The following PGBD2 variants were observed in gnomAD, a reference collection of about 807,000 sequenced individuals.
The protein encoded by PGBD2 is piggyBac transposable element derived 2, also known as piggyBac transposable element-derived protein 2.
Under a neutral mutation model 8.1 loss-of-function variants are expected in PGBD2, and 6 were observed. That is an observed-to-expected ratio of 0.74 (90% CI 0.40 to 1.46). PGBD2 has a LOEUF of 1.46. Among genes scored for constraint, PGBD2 ranks in the 40% most tolerant of loss-of-function variants. The pLI, the probability that PGBD2 is intolerant of heterozygous loss-of-function variation, is 0.02. For synonymous variants in PGBD2, 318 were observed against 272.2 expected, an observed-to-expected ratio of 1.17 and a Z score of -1.66; for missense variants, 802 against 739.0, an observed-to-expected ratio of 1.09 and a Z score of -0.99.
At chr1:248,882,557 T>C in the PGBD2 span, among the ~76,000 whole-genome samples, 1 of 152,140 alleles carries the variant, frequency 6.6e-6, no homozygotes, top group South Asian at 2.1e-4. Flanking sequence ...GAAGGGAGTA[T>C]GCCTTAACCC....
chr1:248,914,995 T>C (rs1344343475), intron 2 of PGBD2, among the ~76,000 whole-genome samples: 3 of 152,252 alleles, frequency 2.0e-5, no homozygotes, highest in African/African-American at 7.2e-5. Flanking sequence ...TCCAGCTGTC[T>C]GTAGGGCTCT....
the PGBD2 span, among the ~76,000 whole-genome samples, chr1:248,874,284 A>T: frequency 6.6e-5 from 10 of 152,218 alleles, no homozygotes; most frequent in South Asian, 2.1e-4. Context: ...CGGCGCTCTC[A>T]CCGCCGCGGC....
chr1:248,874,238 C>A, the PGBD2 span, among the ~76,000 whole-genome samples: 75 of 152,320 alleles, frequency 4.9e-4, no homozygotes, highest in African/African-American at 1.7e-3. Flanking sequence ...CTAAATGACG[C>A]ATCATGTCTT....
At chr1:248,903,771 C>T (rs1480518678), upstream of PGBD2, among the ~76,000 whole-genome samples, 1 of 152,156 alleles carries the variant, frequency 6.6e-6, no homozygotes, top group Non-Finnish European at 1.5e-5. Flanking sequence ...AGTATTTTCT[C>T]ATAATTCCAT....
downstream of PGBD2, among the ~76,000 whole-genome samples, chr1:248,922,465 T>C (rs1283137219): frequency 2.0e-5 from 3 of 152,212 alleles, no homozygotes; most frequent in East Asian, 3.8e-4. Context: ...TCTTGCCTCA[T>C]TGCCCTGGCC....
the PGBD2 span, among the ~76,000 whole-genome samples, chr1:248,874,191 G>C: frequency 1.3e-5 from 2 of 152,148 alleles, no homozygotes; most frequent in East Asian, 3.8e-4. Flanking sequence ...TTCTATAGGA[G>C]ATACGTCACA....
At chr1:248,874,222 A>G in the PGBD2 span, among the ~76,000 whole-genome samples, 33 of 152,180 alleles carry the variant, frequency 2.2e-4, no homozygotes, top group African/African-American at 7.0e-4. Context: ...TTAGTATAGC[A>G]TATTGCTAAA....
rs771194859 is a variant in PGBD2 at position 248,917,718 on chromosome 1, G to T, written c.1134G>T (p.Arg378Ser). 3.1e-6 allele frequency: 5 copies of T among 1,614,208 alleles called. No individual in the cohort carries two copies. Among genetic ancestry groups the T allele is most frequent in the Non-Finnish European group, 4.2e-6 (5 of 1,180,030 alleles). ...VKATGTVREY[R>S]TERCPLKDPK... ...CCACAGGAACTGTTCGTGAGTACAG[G>T]ACTGAGCGATGTCCCCTAAAAGACC... is the stretch of plus-strand genomic sequence containing the variant. Residue 378 changes from arginine to serine, a missense_variant, in exon 3 of 3, where the codon AGG (arginine) becomes AGT (serine). Arg to Ser is a moderately radical substitution (Grantham distance 110). Transcript: ENST00000329291.
the PGBD2 span, among the ~76,000 whole-genome samples, chr1:248,876,440 T>C: frequency 0.039 from 5,884 of 152,312 alleles, 379 homozygotes; most frequent in African/African-American, 0.13. Flanking sequence ...CCACTGTGGT[T>C]TCCAGTGTTG....
the PGBD2 span, among the ~76,000 whole-genome samples, chr1:248,887,344 T>C: frequency 2.6e-5 from 4 of 152,202 alleles, no homozygotes; most frequent in Admixed American, 2.6e-4. Flanking sequence ...CCTCAGTCTT[T>C]CCTTGTCTTT....
chr1:248,876,672 A>G, the PGBD2 span, among the ~76,000 whole-genome samples: 2 of 152,142 alleles, frequency 1.3e-5, no homozygotes, highest in South Asian at 2.1e-4. Flanking sequence ...AACTAATTTG[A>G]CATACCTGGG....
At chr1:248,912,289 G>A (rs953191539) in intron 1 of PGBD2, among the ~76,000 whole-genome samples, 5 of 152,122 alleles carry the variant, frequency 3.3e-5, no homozygotes, top group South Asian at 2.1e-4. Context: ...GGGTCAGGGC[G>A]ACTGGTTTTC....
At chr1:248,889,713 A>G in the PGBD2 span, among the ~76,000 whole-genome samples, 1 of 152,192 alleles carries the variant, frequency 6.6e-6, no homozygotes, top group African/African-American at 2.4e-5. Flanking sequence ...CTGGAGCCCC[A>G]GTAAAACAGT....
At position 248,911,131 on chromosome 1, in the gene PGBD2, GTATT is replaced by G. The variant is rs533956308; in HGVS notation, c.-47-2680_-47-2677del. ...TTTCTTTTCTTTTCTTTTTTTTTTA[GTATT>G]TATTGATCATTCTTGGGTGTTTCTC... On this transcript the variant is annotated intron_variant, in intron 1 of 2. Transcript: ENST00000329291. Among the ~76,000 whole-genome samples the G allele has an allele frequency of 2.2e-3, 334 of 150,346 alleles. 3 individuals are homozygous for G. Among genetic ancestry groups the G allele is most frequent in the Non-Finnish European group, 4.3e-3 (288 of 67,716 alleles).
chr1:248,917,409 C>A lies in PGBD2; in HGVS notation c.825C>A (p.Tyr275Ter). ...FYSFGESMCEYFGHRGSKQLH... is the reference protein window; with the variant it reads ...FYSFGESMCE The stretch of plus-strand genomic sequence containing the variant: ...GCTTTGGCGAGTCTATGTGTGAGTA[C>A]TTTGGGCACCGGGGGTCCAAGCAGC... Residue 275 changes from tyrosine (Y) to a stop codon, truncating the protein, a stop_gained, in exon 3 of 3, where the codon TAC becomes TAA. Transcript: ENST00000329291. LOFTEE classifies it low-confidence loss of function (END_TRUNC). 6.2e-7 allele frequency: 1 copy of A among 1,614,084 alleles called. No homozygotes were observed.
intron 1 of PGBD2, among the ~76,000 whole-genome samples, chr1:248,910,368 A>G (rs1015744477): frequency 1.3e-5 from 2 of 152,224 alleles, no homozygotes; most frequent in Non-Finnish European, 1.5e-5. Flanking sequence ...ACCTGAAATT[A>G]TAGTTAACAC....
upstream of PGBD2, among the ~76,000 whole-genome samples, chr1:248,902,063 G>T (rs562229522): frequency 1.3e-5 from 2 of 152,278 alleles, no homozygotes; most frequent in South Asian, 4.2e-4. Flanking sequence ...GAGACTAGGA[G>T]TTCATGACCA....
Position 248,917,128 on chromosome 1 carries a change from G to A in PGBD2, c.544G>A (p.Val182Ile). Residue 182 changes from valine (V) to isoleucine (I), a missense_variant, in exon 3 of 3, where the codon GTT (valine) becomes ATT (isoleucine). Physicochemically the swap from Val to Ile is conservative, Grantham distance 29. Transcript: ENST00000329291. The part of the protein sequence containing the change: ...LSLTAQELKC[V>I]LGILILSGYI... ...TCTTACGGCTCAGGAATTGAAGTGTGTTTTGGGCATTTTGATTTTAAGTGG... is the reference window on the plus strand; with the variant it reads ...TCTTACGGCTCAGGAATTGAAGTGTATTTTGGGCATTTTGATTTTAAGTGG... The A allele has an allele frequency of 6.2e-7, 1 of 1,614,118 alleles. No individual in the cohort carries two copies. The highest frequency in any genetic ancestry group is 1.1e-5 in the South Asian group (1 of 91,080).
the PGBD2 span, among the ~76,000 whole-genome samples, chr1:248,893,989 T>G: frequency 1.3e-5 from 2 of 152,244 alleles, no homozygotes. Flanking sequence ...TTCCTGTTTC[T>G]CTGATGATTA....
Sources: gnomAD v4.1 joint callset for allele counts (sites outside exome capture counted in the v4.1 genomes callset) on GRCh38, gnomAD v4.1.1 for gene constraint, MANE v1.5 for transcripts, NCBI Gene and HGNC (gene_info 2026-07-23, HGNC 2026-07-21) for gene names.